The following PIEZO1 variants were observed in gnomAD, a reference collection of about 807,000 sequenced individuals.
The protein encoded by PIEZO1 is piezo-type mechanosensitive ion channel component 1.
In PIEZO1, 296 loss-of-function variants were observed where a neutral mutation model predicts 297.2. The observed-to-expected ratio is 1.00, with a 90% CI of 0.91 to 1.10. The LOEUF (loss-of-function observed/expected upper bound fraction) is 1.10, where lower values mean the gene tolerates loss of function less well. PIEZO1 is among the 50% of genes least tolerant of loss of function. PIEZO1 has a pLI of 0.00. For missense variants in PIEZO1, 5,018 were observed against 3,455.5 expected (o/e 1.45, Z -11.34); for synonymous variants, 2,427 against 1,507.5 (o/e 1.61, Z -14.13).
intron 1 of PIEZO1, among the ~76,000 whole-genome samples, chr16:88,767,908 C>A (rs1907246814): frequency 6.6e-6 from 1 of 152,216 alleles, no homozygotes; most frequent in African/African-American, 2.4e-5. Flanking sequence ...CAAGCCCTCG[C>A]AGACTTCCCG....
At chr16:88,775,619 C>G (rs928793042) in intron 1 of PIEZO1, among the ~76,000 whole-genome samples, 1 of 149,510 alleles carries the variant, frequency 6.7e-6, no homozygotes, top group East Asian at 2.0e-4. Context: ...GTCCTAGCTA[C>G]TTGGGAGGCT....
At chr16:88,744,691 C>G (rs564523370) in intron 2 of PIEZO1, among the ~76,000 whole-genome samples, 2 of 151,702 alleles carry the variant, frequency 1.3e-5, no homozygotes, top group African/African-American at 4.8e-5. Context: ...GTTCTCGGGC[C>G]GGCCAGAGTG....
Position 88,732,370 on chromosome 16 carries a change from A to G in PIEZO1, c.2956T>C (p.Phe986Leu). The G allele has an allele frequency of 1.3e-6, 2 of 1,549,638 alleles. No homozygotes were observed. Among genetic ancestry groups the G allele is most frequent in the South Asian group, 2.4e-5 (2 of 84,054 alleles). ...AATTTGTAGAAGAAGAAGTTGATGA[A>G]GTACTTGAGGCAGCCGAGCAGATCC... Reference protein sequence around the residue: ...DQDLLGCLKYFINFFFYKFGL... With the variant: ...DQDLLGCLKYLINFFFYKFGL... The change falls in exon 21 of 51, where the codon TTC becomes CTC. Residue 986 changes from phenylalanine (F) to leucine (L), a missense_variant. Physicochemically the swap from Phe to Leu is conservative, Grantham distance 22. Coordinates refer to ENST00000301015, the MANE Select transcript of PIEZO1 (RefSeq NM_001142864.4).
intron 34 of PIEZO1, 29 bp downstream of exon 34, chr16:88,722,808 G>T (rs1477224301): frequency 8.4e-6 from 13 of 1,539,372 alleles, no homozygotes; most frequent in Non-Finnish European, 1.1e-5. Context: ...GGCAGAGCAG[G>T]GACGAGCGTG....
At position 88,733,601 on chromosome 16, in the gene PIEZO1, A is replaced by C; in HGVS notation, c.2474T>G (p.Val825Gly). 6.5e-7 allele frequency: 1 copy of C among 1,545,552 alleles called. No homozygotes were observed. Among genetic ancestry groups the C allele is most frequent in the Non-Finnish European group, 8.7e-7 (1 of 1,143,604 alleles). Residue 825 changes from valine to glycine, a missense_variant, in exon 18 of 51, where the codon GTG (valine) becomes GGG (glycine). Coordinates refer to ENST00000301015, the MANE Select transcript of PIEZO1 (RefSeq NM_001142864.4). The part of the protein sequence containing the change: ...FKLVALYTVW[V>G]ALKEVSVMNL... Reference sequence around the variant, plus strand: ...TGCCACACTCACCTCCTTCAGGGCCACCCAGACGGTGTACAGGGCCACCAG... The same window carrying C: ...TGCCACACTCACCTCCTTCAGGGCCCCCCAGACGGTGTACAGGGCCACCAG...
In PIEZO1 at chr16:88,757,325, G is replaced by T. The variant is rs902481780; in HGVS notation, c.65-7846C>A. ...ATGCAGGGGGCGTTGCTGGCGGGGG[G>T]GTGGGGGGTAGTTACCTAACCTGCC... On this transcript the variant is annotated intron_variant, in intron 1 of 50. Coordinates refer to ENST00000301015, the MANE Select transcript of PIEZO1 (RefSeq NM_001142864.4). 1.4e-3 allele frequency among the ~76,000 whole-genome samples: 119 copies of T among 84,162 alleles called. 3 individuals are homozygous for T. Among genetic ancestry groups the T allele is most frequent in the Admixed American group, 3.5e-3 (28 of 7,952 alleles). 55.2% of individuals were successfully genotyped at this position (84,162 alleles called of 152,430 possible). A position where few individuals can be genotyped will look rare whatever the true frequency, so the allele number is the denominator to read the frequency against.
intron 1 of PIEZO1, among the ~76,000 whole-genome samples, chr16:88,770,537 G>C (rs1033689196): frequency 6.6e-6 from 1 of 152,222 alleles, no homozygotes; most frequent in African/African-American, 2.4e-5. Context: ...GCAGTCCATC[G>C]GGAGAGGTGG....
At chr16:88,759,795 CAGCA>C (rs1906843154) in intron 1 of PIEZO1, among the ~76,000 whole-genome samples, 1 of 152,202 alleles carries the variant, frequency 6.6e-6, no homozygotes, top group Admixed American at 6.5e-5. Context: ...GCAGCGTTCA[CAGCA>C]AGGTCTATGG....
intron 27 of PIEZO1, chr16:88,725,946 C>A (rs1309687091): frequency 5.3e-6 from 3 of 568,666 alleles, no homozygotes; most frequent in Middle Eastern, 4.6e-4. Context: ...CAAAGCTGGC[C>A]CCAAGCCAGA....
Position 88,737,546 on chromosome 16 carries a change from G to T in PIEZO1, c.1195+13C>A, listed in dbSNP as rs1905309603. 5.3e-6 allele frequency: 8 copies of T among 1,517,294 alleles called. No individual in the cohort carries two copies. The African/African-American group carries it at 9.6e-5, about 18-fold the overall frequency. The allele number at this position is 1,517,294 out of a possible 1,614,324, so 94.0% of individuals were successfully genotyped here. ...CCCGCACCCAGCCATACCTTGCAGTGTGCGGTACTCACCAGGCCGCCGCAG... is the reference window on the plus strand; with the variant it reads ...CCCGCACCCAGCCATACCTTGCAGTTTGCGGTACTCACCAGGCCGCCGCAG... On this transcript the variant is annotated intron_variant, in intron 10 of 50. Transcript: ENST00000301015.
chr16:88,748,793 C>T (rs1036133605), intron 2 of PIEZO1, among the ~76,000 whole-genome samples: 6 of 151,982 alleles, frequency 3.9e-5, no homozygotes, highest in Admixed American at 2.0e-4. Context: ...GATGGCTGGG[C>T]GTGGTGGCTC....
intron 22 of PIEZO1, among the ~76,000 whole-genome samples, chr16:88,730,142 C>A (rs1211229844): frequency 1.3e-5 from 2 of 152,246 alleles, no homozygotes; most frequent in African/African-American, 4.8e-5. Flanking sequence ...GGCCCAGAGG[C>A]TGAGGCAGCC....
chr16:88,715,609 T>A lies in PIEZO1; in HGVS notation c.7562A>T (p.Glu2521Val). Residue 2521 changes from glutamate (E) to valine (V), a missense_variant, in exon 51 of 51, where the codon GAG (glutamate) becomes GTG (valine). Transcript: ENST00000301015. ...ETMIKWTREK[E>V] ...CTCGGGCGCCAGCAGCAGCTCCTAC[T>A]CCTTCTCACGAGTCCACTTGATCAT... 1.9e-6 allele frequency: 3 copies of A among 1,549,494 alleles called. No individual in the cohort carries two copies. The highest frequency in any genetic ancestry group is 2.6e-6 in the Non-Finnish European group (3 of 1,146,688).
At position 88,723,266 on chromosome 16, in the gene PIEZO1, C is replaced by T. The variant is rs1203985171; in HGVS notation, c.4398G>A (p.Gln1466=). 4.5e-6 allele frequency: 7 copies of T among 1,543,756 alleles called. No homozygotes were observed. Among genetic ancestry groups the T allele is most frequent in the Non-Finnish European group, 6.1e-6 (7 of 1,146,816 alleles). Reference sequence around the variant, plus strand: ...CTGCCTGTTCCTGCCTTGCCTGCTCCTGCTCCTGCTGCCGCCGCCTCAGCA... The same window carrying T: ...CTGCCTGTTCCTGCCTTGCCTGCTCTTGCTCCTGCTGCCGCCGCCTCAGCA... ...QAVLRRRQQE[Q]EQARQEQAGQ... Residue 1466 remains glutamine (Q), a synonymous_variant, in exon 32 of 51, where the codon CAG becomes CAA. Coordinates refer to ENST00000301015, the MANE Select transcript of PIEZO1 (RefSeq NM_001142864.4).
chr16:88,763,893 C>A (rs1033941166), intron 1 of PIEZO1, among the ~76,000 whole-genome samples: 2 of 152,194 alleles, frequency 1.3e-5, no homozygotes, highest in African/African-American at 4.8e-5. Flanking sequence ...TCTGTGAGGC[C>A]GTCACAGCCA....
At chr16:88,783,822 G>C (rs1050883550) in intron 1 of PIEZO1, among the ~76,000 whole-genome samples, 1 of 152,182 alleles carries the variant, frequency 6.6e-6, no homozygotes, top group Non-Finnish European at 1.5e-5. Context: ...CAGTCTGTCT[G>C]GGAGCCTCAG....
intron 1 of PIEZO1, among the ~76,000 whole-genome samples, chr16:88,759,710 C>T (rs1906837585): frequency 6.6e-6 from 1 of 152,190 alleles, no homozygotes; most frequent in African/African-American, 2.4e-5. Context: ...ACGGATCCCA[C>T]TTTTATGGAA....
At chr16:88,735,384 A>C (rs1372815930) in intron 12 of PIEZO1, 138 bp from the exon 13 acceptor site, 2 of 656,318 alleles carry the variant, frequency 3.0e-6, no homozygotes, top group Admixed American at 4.6e-5. Flanking sequence ...CAGCCTCCCC[A>C]CAGGCACCGA....
At chr16:88,732,233 A>C (rs1904900555) in intron 21 of PIEZO1, 102 bp downstream of exon 21, 1 of 1,059,074 alleles carries the variant, frequency 9.4e-7, no homozygotes, top group Non-Finnish European at 1.4e-6. Context: ...TGGCCCAGGC[A>C]AACCCAGGTG....
Sources: allele counts gnomAD v4.1 joint callset (sites outside exome capture counted in the v4.1 genomes callset), GRCh38; gene constraint gnomAD v4.1.1; transcripts MANE v1.5; gene names NCBI Gene and HGNC (gene_info 2026-07-23, HGNC 2026-07-21).